Variants in ABAT observed in about 807,000 individuals in gnomAD.
The protein encoded by ABAT is 4-aminobutyrate aminotransferase.
ABAT carries 45 observed loss-of-function variants against 64.6 expected under a neutral mutation model. That is an observed-to-expected ratio of 0.70 (90% CI 0.55 to 0.89). The LOEUF (loss-of-function observed/expected upper bound fraction) is 0.89, where lower values mean the gene tolerates loss of function less well. Among genes scored for constraint, ABAT ranks in the 40% least tolerant of loss-of-function variants. The pLI is 0.00. For missense variants in ABAT, 633 were observed against 658.4 expected, an observed-to-expected ratio of 0.96 and a Z score of 0.42; for synonymous variants, 297 against 250.5, an observed-to-expected ratio of 1.19 and a Z score of -1.75.
intron 11 of ABAT, 48 bp from the exon 12 acceptor site, chr16:8,772,732 G>C (rs2060149735): frequency 1.2e-6 from 2 of 1,613,392 alleles, no homozygotes; most frequent in Admixed American, 3.3e-5. Flanking sequence ...CACGGATACT[G>C]GTCACAAGCC....
intron 1 of ABAT, among the ~76,000 whole-genome samples, chr16:8,717,452 G>A (rs1324979909): frequency 6.6e-6 from 1 of 152,166 alleles, no homozygotes; most frequent in Non-Finnish European, 1.5e-5. Context: ...TGCATTGAAA[G>A]CTTGTGTTAT....
intron 11 of ABAT, 108 bp from the exon 12 acceptor site, chr16:8,772,672 C>A: frequency 6.9e-7 from 1 of 1,454,034 alleles, no homozygotes; most frequent in Non-Finnish European, 9.6e-7. Flanking sequence ...TGCACACAAA[C>A]ACATTTCCAA....
chr16:8,756,573 C>T (rs1339278377), intron 5 of ABAT, among the ~76,000 whole-genome samples: 2 of 152,192 alleles, frequency 1.3e-5, no homozygotes, highest in African/African-American at 4.8e-5. Flanking sequence ...CTCAATTCCT[C>T]TCTCAGAAGC....
At chr16:8,743,645 TATA>T (rs71152930) in intron 2 of ABAT, among the ~76,000 whole-genome samples, 113,044 of 142,926 alleles carry the variant, frequency 0.79, 44,811 homozygotes, top group Admixed American at 0.81. Flanking sequence ...AGTTATAATA[TATA>T]ATATATATTT....
intron 13 of ABAT, 67 bp downstream of exon 13, chr16:8,775,124 T>G: frequency 6.2e-7 from 1 of 1,607,764 alleles, no homozygotes; most frequent in South Asian, 1.1e-5. Flanking sequence ...CTCCTAACTG[T>G]TCCTTTCTCA....
At chr16:8,745,966 C>T (rs2059316066) in intron 2 of ABAT, 35 bp from the exon 3 acceptor site, 5 of 1,591,310 alleles carry the variant, frequency 3.1e-6, no homozygotes. Context: ...TCTCTGCTGT[C>T]ACCAGGGATT....
chr16:8,738,574 T>A (rs1445614562), intron 2 of ABAT: 4 of 397,746 alleles, frequency 1.0e-5, no homozygotes, highest in African/African-American at 8.6e-5. Context: ...CAATGGCTTT[T>A]GAGGTTTTGC....
intron 1 of ABAT, chr16:8,715,620 G>A (rs1379584473): frequency 6.5e-5 from 8 of 122,260 alleles, no homozygotes; most frequent in South Asian, 5.7e-4. Context: ...GTGATAGAGC[G>A]AGACCCTGTC....
At chr16:8,675,755 G>C (rs1387049535) in intron 1 of ABAT, among the ~76,000 whole-genome samples, 1 of 152,070 alleles carries the variant, frequency 6.6e-6, no homozygotes, top group East Asian at 1.9e-4. Flanking sequence ...GAGACCACCC[G>C]CCACCTCTCC....
rs968524020 is a variant in ABAT at position 8,735,496 on chromosome 16, C to T, written c.-41-203C>T. 1.2e-4 allele frequency among the ~76,000 whole-genome samples: 18 copies of T among 152,258 alleles called. No individual in the cohort carries two copies. The East Asian group carries it at 1.4e-3, about 11-fold the overall frequency. ...GGAACTCCTGGCCTCAAGAAGTCCT[C>T]GGTCTCCCAGTGTGGCTGAGATGAC... On this transcript the variant is annotated intron_variant, in intron 1 of 15. Coordinates refer to ENST00000268251, the MANE Select transcript of ABAT (RefSeq NM_020686.6).
intron 1 of ABAT, among the ~76,000 whole-genome samples, chr16:8,705,907 G>A (rs1253792621): frequency 1.3e-5 from 2 of 152,094 alleles, no homozygotes; most frequent in East Asian, 3.8e-4. Flanking sequence ...CGGTGCCCTT[G>A]GATTATGAAT....
intron 1 of ABAT, among the ~76,000 whole-genome samples, chr16:8,681,636 G>A (rs1334606110): frequency 1.6e-5 from 2 of 122,990 alleles, no homozygotes; most frequent in African/African-American, 6.2e-5. Context: ...TCCAATGACT[G>A]CTATCTTTTT....
intron 1 of ABAT, among the ~76,000 whole-genome samples, chr16:8,716,081 G>A (rs1177656301): frequency 6.6e-6 from 1 of 152,158 alleles, no homozygotes; most frequent in African/African-American, 2.4e-5. Flanking sequence ...AGCTTTGCGC[G>A]TGGATTATCT....
intron 1 of ABAT, among the ~76,000 whole-genome samples, chr16:8,690,441 G>C (rs1041950704): frequency 6.6e-6 from 1 of 152,060 alleles, no homozygotes; most frequent in East Asian, 1.9e-4. Flanking sequence ...CCTTCCAAAG[G>C]GCAAATATAA....
At chr16:8,731,330 C>G (rs926041246) in intron 1 of ABAT, 1 of 152,196 alleles carries the variant, frequency 6.6e-6, no homozygotes, top group Non-Finnish European at 1.5e-5. Context: ...CAGTGATAAA[C>G]TTCTAGGTAA....
intron 1 of ABAT, among the ~76,000 whole-genome samples, chr16:8,716,841 G>A (rs546835544): frequency 2.6e-5 from 4 of 152,266 alleles, no homozygotes; most frequent in South Asian, 4.2e-4. Flanking sequence ...GCGTCAGCCC[G>A]CACAGGCCAG....
intron 1 of ABAT, among the ~76,000 whole-genome samples, chr16:8,717,323 A>G (rs534326137): frequency 3.2e-4 from 49 of 152,350 alleles, no homozygotes; most frequent in African/African-American, 1.2e-3. Context: ...TTGATTATGT[A>G]TCAAAATTAT....
intron 11 of ABAT, among the ~76,000 whole-genome samples, chr16:8,770,898 TA>T (rs1297779055): frequency 2.6e-5 from 4 of 152,226 alleles, no homozygotes. Context: ...TCCTTTATTT[TA>T]AAAATTCATT....
rs1335025623 is a variant in ABAT at position 8,783,286 on chromosome 16, C to T, written c.*1856C>T. 1.3e-5 allele frequency: 2 copies of T among 152,112 alleles called. No homozygotes were observed. The highest frequency in any genetic ancestry group is 4.8e-5 in the African/African-American group (2 of 41,412). 9.4% of individuals were successfully genotyped at this position (152,112 alleles called of 1,614,324 possible). A position where few individuals can be genotyped will look rare whatever the true frequency, so the allele number is the denominator to read the frequency against. ...ATACAAAGATGAGATAAAACATTGTCCCTGCCCCCGGGGGCTCACATGCCA... is the reference window on the plus strand; with the variant it reads ...ATACAAAGATGAGATAAAACATTGTTCCTGCCCCCGGGGGCTCACATGCCA... On this transcript the variant is annotated 3_prime_UTR_variant, in exon 16 of 16. Coordinates refer to ENST00000268251, the MANE Select transcript of ABAT (RefSeq NM_020686.6).
Sources: gnomAD v4.1 joint callset for allele counts (sites outside exome capture counted in the v4.1 genomes callset) on GRCh38, gnomAD v4.1.1 for gene constraint, MANE v1.5 for transcripts, NCBI Gene and HGNC (gene_info 2026-07-23, HGNC 2026-07-21) for gene names.